IRAK3: variants seen among roughly 807,000 people sequenced by gnomAD.
IRAK3 encodes interleukin-1 receptor-associated kinase 3.
In IRAK3, 57 loss-of-function variants were observed where a neutral mutation model predicts 56.6. The observed-to-expected ratio is 1.01, with a 90% CI of 0.81 to 1.26. The LOEUF (loss-of-function observed/expected upper bound fraction) is 1.26, where lower values mean the gene tolerates loss of function less well. Among genes scored for constraint, IRAK3 ranks in the 50% most tolerant of loss-of-function variants. The pLI is 0.00. For synonymous variants in IRAK3, 258 were observed against 255.7 expected (o/e 1.01, Z -0.09); for missense variants, 703 against 719.0 (o/e 0.98, Z 0.25).
intron 6 of IRAK3, among the ~76,000 whole-genome samples, chr12:66,217,715 A>T (rs1256384411): frequency 1.3e-5 from 2 of 152,168 alleles, no homozygotes; most frequent in Non-Finnish European, 2.9e-5. Context: ...CTTCGTTTTC[A>T]TATACATATT....
chr12:66,249,523 C>T lies in IRAK3; in HGVS notation c.*1352C>T, dbSNP rs1361336453. 6.6e-6 allele frequency: 1 copy of T among 152,186 alleles called. No homozygotes were observed. Among genetic ancestry groups the T allele is most frequent in the Non-Finnish European group, 1.5e-5 (1 of 68,052 alleles). 9.4% of individuals were successfully genotyped at this position (152,186 alleles called of 1,614,324 possible). ...TTAGTTTTCTATTGTTTTTGTAACA[C>T]ATTATCACAAATTTAGTGACTTAAA... is the stretch of plus-strand genomic sequence containing the variant. On this transcript the variant is annotated 3_prime_UTR_variant, in exon 12 of 12. Coordinates refer to ENST00000261233, the MANE Select transcript of IRAK3 (RefSeq NM_007199.3).
chr12:66,231,987 C>T (rs899556193), intron 8 of IRAK3, among the ~76,000 whole-genome samples: 23 of 152,190 alleles, frequency 1.5e-4, no homozygotes, highest in African/African-American at 5.1e-4. Flanking sequence ...TCTTCCAGGT[C>T]ACTATCCCAG....
At chr12:66,207,509 A>T (rs2052569244) in intron 2 of IRAK3, among the ~76,000 whole-genome samples, 1 of 151,700 alleles carries the variant, frequency 6.6e-6, no homozygotes, top group African/African-American at 2.4e-5. Flanking sequence ...AAACAAAAAA[A>T]TTCCTCTATT....
At chr12:66,246,424 G>T (rs1452961796) in intron 11 of IRAK3, among the ~76,000 whole-genome samples, 1 of 152,196 alleles carries the variant, frequency 6.6e-6, no homozygotes, top group African/African-American at 2.4e-5. Flanking sequence ...CTATCATAGA[G>T]CCATGCAAGG....
In IRAK3 at chr12:66,200,030, T is replaced by C. The variant is rs144028536; in HGVS notation, c.134-3681T>C. Among the ~76,000 whole-genome samples the C allele has an allele frequency of 2.8e-3, 428 of 152,342 alleles. 2 individuals are homozygous for C. Among genetic ancestry groups the C allele is most frequent in the Admixed American group, 5.2e-3 (79 of 15,296 alleles). On this transcript the variant is annotated intron_variant, in intron 1 of 11. Coordinates refer to ENST00000261233, the MANE Select transcript of IRAK3 (RefSeq NM_007199.3). ...GAAGGGCAAAGACATTCTAACTCAA[T>C]GATGTCAGACATTTTATTCTAGCTA...
chr12:66,209,621 G>A (rs972479415), intron 3 of IRAK3, 101 bp downstream of exon 3: 5 of 785,720 alleles, frequency 6.4e-6, no homozygotes, highest in Admixed American at 1.8e-5. Context: ...GGATTTGCCG[G>A]CACTTTTTAA....
At chr12:66,200,906 G>A (rs1413620091) in intron 1 of IRAK3, among the ~76,000 whole-genome samples, 3 of 152,130 alleles carry the variant, frequency 2.0e-5, no homozygotes, top group African/African-American at 7.2e-5. Flanking sequence ...TGCCTCCTGG[G>A]TTCAAGTGAT....
At chr12:66,214,430 A>T (rs1022178382) in intron 5 of IRAK3, among the ~76,000 whole-genome samples, 1 of 151,976 alleles carries the variant, frequency 6.6e-6, no homozygotes, top group Non-Finnish European at 1.5e-5. Flanking sequence ...AGTTCCAGCT[A>T]CTCGAGAGGC....
rs1244202929 is a variant in IRAK3 at position 66,228,318 on chromosome 12, C to T, written c.835C>T (p.His279Tyr). The change falls in exon 8 of 12, where the codon CAC becomes TAC. Residue 279 changes from histidine (H) to tyrosine (Y), a missense_variant. Transcript: ENST00000261233. ...ATTAATAGGAATATCCAAAGCCATT[C>T]ACTACCTGCACAACGTTCAACCATG... ...GILIGISKAI[H>Y]YLHNVQPCSV... is the part of the protein sequence containing the mutation. 6 of 1,614,022 alleles carry T rather than the reference C, an allele frequency of 3.7e-6. No homozygotes were observed. Among genetic ancestry groups the T allele is most frequent in the South Asian group, 1.1e-5 (1 of 91,086 alleles).
In IRAK3 at chr12:66,228,011, A is replaced by C. The variant is rs540338243; in HGVS notation, c.769-241A>C. Among the ~76,000 whole-genome samples, 347 of 152,304 alleles carry C rather than the reference A, an allele frequency of 2.3e-3. 1 individual carries two copies. The highest frequency in any genetic ancestry group is 8.2e-3 in the African/African-American group (342 of 41,552). On this transcript the variant is annotated intron_variant, in intron 7 of 11. Transcript: ENST00000261233. ...TTACCTTACTAGCTATGTTTTGATTAAGCTAATATTGAGAAGTATTGAGTA... is the reference window on the plus strand; with the variant it reads ...TTACCTTACTAGCTATGTTTTGATTCAGCTAATATTGAGAAGTATTGAGTA...
intron 3 of IRAK3, 30 bp from the exon 4 acceptor site, chr12:66,210,117 A>C: frequency 7.2e-7 from 1 of 1,390,838 alleles, no homozygotes; most frequent in African/African-American, 1.4e-5. Flanking sequence ...TATGAAATGG[A>C]ATTACTTTAG....
intron 6 of IRAK3, among the ~76,000 whole-genome samples, chr12:66,220,381 AT>A (rs1438260435): frequency 0.016 from 2,205 of 141,142 alleles, 43 homozygotes; most frequent in African/African-American, 0.054. Context: ...TATTTCTGTT[AT>A]TTTTTTTTTT....
intron 8 of IRAK3, among the ~76,000 whole-genome samples, chr12:66,233,122 A>G (rs2052861557): frequency 6.6e-6 from 1 of 152,140 alleles, no homozygotes; most frequent in Non-Finnish European, 1.5e-5. Flanking sequence ...AAAGCATTCT[A>G]CATCATTAGT....
chr12:66,201,381 G>A (rs2052506115), intron 1 of IRAK3, among the ~76,000 whole-genome samples: 1 of 152,186 alleles, frequency 6.6e-6, no homozygotes, highest in Non-Finnish European at 1.5e-5. Context: ...TCAGATAACA[G>A]TGGGATTTTA....
At chr12:66,212,650 G>A (rs1044592990) in intron 5 of IRAK3, among the ~76,000 whole-genome samples, 1 of 152,228 alleles carries the variant, frequency 6.6e-6, no homozygotes, top group East Asian at 1.9e-4. Context: ...AGCGAGAATT[G>A]TACAAAAGAT....
chr12:66,189,721 C>T (rs925698191), intron 1 of IRAK3, among the ~76,000 whole-genome samples: 1 of 152,158 alleles, frequency 6.6e-6, no homozygotes, highest in African/African-American at 2.4e-5. Flanking sequence ...TCTGTTCGTC[C>T]GCGATGCCAC....
chr12:66,196,477 A>G (rs1241131853), intron 1 of IRAK3, among the ~76,000 whole-genome samples: 1 of 152,196 alleles, frequency 6.6e-6, no homozygotes, highest in South Asian at 2.1e-4. Flanking sequence ...ATGAAATTAC[A>G]TAGCTTCTGA....
At chr12:66,197,851 T>A (rs2052469659) in intron 1 of IRAK3, 2 of 985,108 alleles carry the variant, frequency 2.0e-6, no homozygotes, top group Non-Finnish European at 2.4e-6. Context: ...CTCAGCCAAG[T>A]CACAGGACGG....
At chr12:66,245,529 C>CTTTTTTTTT (rs745553622) in intron 11 of IRAK3, among the ~76,000 whole-genome samples, 2 of 75,352 alleles carry the variant, frequency 2.7e-5, no homozygotes, top group Non-Finnish European at 4.6e-5. Flanking sequence ...TTTATTCAAT[C>CTTTTTTTTT]TTTTTTTTTT....
Sources: allele counts gnomAD v4.1 joint callset (sites outside exome capture counted in the v4.1 genomes callset), GRCh38; gene constraint gnomAD v4.1.1; transcripts MANE v1.5; gene names NCBI Gene and HGNC (gene_info 2026-07-23, HGNC 2026-07-21).